The following JKAMP variants were observed in gnomAD, a reference collection of about 807,000 sequenced individuals.
The protein encoded by JKAMP is JNK1/MAPK8-associated membrane protein.
A neutral mutation model predicts 40.2 loss-of-function variants in JKAMP; 20 were observed. That is an observed-to-expected ratio of 0.50 (90% CI 0.35 to 0.72). The LOEUF (loss-of-function observed/expected upper bound fraction) is 0.72, where lower values mean the gene tolerates loss of function less well. Among genes scored for constraint, JKAMP ranks in the 30% least tolerant of loss-of-function variants. JKAMP has a pLI of 0.01. For synonymous variants in JKAMP, 138 were observed against 131.6 expected, an observed-to-expected ratio of 1.05 and a Z score of -0.33; for missense variants, 276 against 373.0, an observed-to-expected ratio of 0.74 and a Z score of 2.14.
Position 59,490,123 on chromosome 14 carries a change from T to C in JKAMP, c.251+2295T>C, listed in dbSNP as rs139011084. Reference sequence around the variant, plus strand: ...ATTTTGTAGAGACAGGGTCTCTCTATGTTGCCCAGGCTGGTCTCGATCTCC... The same window carrying C: ...ATTTTGTAGAGACAGGGTCTCTCTACGTTGCCCAGGCTGGTCTCGATCTCC... On this transcript the variant is annotated intron_variant, in intron 3 of 6. Transcript: ENST00000616435. Among the ~76,000 whole-genome samples the C allele has an allele frequency of 2.2e-3, 331 of 152,178 alleles. 1 individual carries two copies. The highest frequency in any genetic ancestry group is 4.6e-3 in the Admixed American group (70 of 15,288).
intron 1 of JKAMP, 61 bp from the exon 2 acceptor site, chr14:59,486,652 A>G (rs1249658346): frequency 8.7e-7 from 1 of 1,149,440 alleles, no homozygotes; most frequent in African/African-American, 1.6e-5. Flanking sequence ...TTCAGCTATT[A>G]TTGCAATTAT....
intron 1 of JKAMP, chr14:59,485,847 A>G (rs563872026): frequency 6.6e-6 from 1 of 152,236 alleles, no homozygotes; most frequent in Admixed American, 6.5e-5. Flanking sequence ...GGAACTCCTG[A>G]CCTCATGATC....
At chr14:59,491,074 G>T (rs1271723292) in intron 3 of JKAMP, among the ~76,000 whole-genome samples, 1 of 152,218 alleles carries the variant, frequency 6.6e-6, no homozygotes, top group African/African-American at 2.4e-5. Flanking sequence ...ATCTCTTACA[G>T]TTTCCTGAAA....
chr14:59,485,164 C>G, intron 1 of JKAMP: 1 of 1,585,518 alleles, frequency 6.3e-7, no homozygotes, highest in South Asian at 1.1e-5. Flanking sequence ...TACTGGTTTT[C>G]AGGCCTTGGA....
intron 5 of JKAMP, among the ~76,000 whole-genome samples, chr14:59,500,660 AAC>A (rs1398010075): frequency 6.6e-6 from 1 of 152,200 alleles, no homozygotes; most frequent in Non-Finnish European, 1.5e-5. Flanking sequence ...TTGACCACAA[AAC>A]ACAGAAAATT....
intron 5 of JKAMP, among the ~76,000 whole-genome samples, chr14:59,500,515 T>C (rs1336622995): frequency 6.6e-6 from 1 of 152,224 alleles, no homozygotes; most frequent in African/African-American, 2.4e-5. Flanking sequence ...AAGTAGAGAT[T>C]GCAGGAATTT....
chr14:59,503,743 T>C, intron 6 of JKAMP, 111 bp from the exon 7 acceptor site: 2 of 567,968 alleles, frequency 3.5e-6, no homozygotes, highest in Non-Finnish European at 5.6e-6. Context: ...AAACATTTTA[T>C]GATTCTGAGA....
intron 5 of JKAMP, among the ~76,000 whole-genome samples, chr14:59,500,185 ACTGT>A (rs1426231542): frequency 1.3e-5 from 2 of 152,166 alleles, no homozygotes; most frequent in African/African-American, 4.8e-5. Flanking sequence ...GGACCTAATA[ACTGT>A]CTATGAAATA....
chr14:59,486,582 C>CA, intron 1 of JKAMP, 131 bp from the exon 2 acceptor site: 1 of 660,672 alleles, frequency 1.5e-6, no homozygotes. Flanking sequence ...AAAAATGCTT[C>CA]AAGACTTTTG....
chr14:59,498,682 T>C (rs752623739), intron 4 of JKAMP, 45 bp from the exon 5 acceptor site: 7 of 1,089,142 alleles, frequency 6.4e-6, no homozygotes, highest in Non-Finnish European at 9.2e-6. Context: ...TAAAAACATT[T>C]TTAAAACATT....
intron 4 of JKAMP, 147 bp downstream of exon 4, chr14:59,495,371 C>T: frequency 1.7e-6 from 1 of 597,546 alleles, no homozygotes. Context: ...ATGTAAACAG[C>T]CTCTTGTAAC....
chr14:59,484,996 A>T, intron 1 of JKAMP: 1 of 1,582,442 alleles, frequency 6.3e-7, no homozygotes, highest in Non-Finnish European at 8.5e-7. Flanking sequence ...GTAGATTTAT[A>T]GCGCCCGTCA....
rs190843052 is a variant in JKAMP at position 59,503,845 on chromosome 14, A to C, written c.718-9A>C. 19 of 1,582,654 alleles carry C rather than the reference A, an allele frequency of 1.2e-5. No individual in the cohort carries two copies. The African/African-American group carries it at 2.4e-4, about 20-fold the overall frequency. On this transcript the variant is annotated splice_polypyrimidine_tract_variant and intron_variant, in intron 6 of 6. Transcript: ENST00000616435. ...ATTTCTCTTTTCTTTCTTTTACAAA[A>C]TTATATAGAACTGCTATGATCTTCT...
chr14:59,485,391 C>A, intron 1 of JKAMP: 1 of 333,986 alleles, frequency 3.0e-6, no homozygotes, highest in Non-Finnish European at 5.4e-6. Flanking sequence ...AAGCTAAGTC[C>A]GAAATTTGTT....
At chr14:59,493,056 C>T (rs372424258) in intron 3 of JKAMP, among the ~76,000 whole-genome samples, 4 of 152,022 alleles carry the variant, frequency 2.6e-5, no homozygotes, top group South Asian at 2.1e-4. Flanking sequence ...CCCCGGCCTC[C>T]CAAAGTGCTG....
intron 6 of JKAMP, 90 bp from the exon 7 acceptor site, chr14:59,503,764 T>A (rs1892128884): frequency 1.3e-6 from 1 of 747,608 alleles, no homozygotes; most frequent in Non-Finnish European, 2.1e-6. Context: ...TTATAAATAA[T>A]ACATTTTATA....
intron 3 of JKAMP, among the ~76,000 whole-genome samples, chr14:59,493,225 T>A (rs1215854429): frequency 6.6e-6 from 1 of 152,146 alleles, no homozygotes; most frequent in Non-Finnish European, 1.5e-5. Flanking sequence ...CCTGCATGCA[T>A]CATAATTAAA....
intron 4 of JKAMP, among the ~76,000 whole-genome samples, chr14:59,496,423 T>A (rs1891458273): frequency 6.6e-6 from 1 of 151,906 alleles, no homozygotes; most frequent in Admixed American, 6.6e-5. Flanking sequence ...ACTTAATAAA[T>A]GAATTGAATA....
At chr14:59,500,901 A>C (rs1280341983) in intron 5 of JKAMP, 2 of 249,134 alleles carry the variant, frequency 8.0e-6, no homozygotes. Flanking sequence ...TAAAGTTTTT[A>C]TTGGAACACA....
Sources: allele counts gnomAD v4.1 joint callset (sites outside exome capture counted in the v4.1 genomes callset), GRCh38; gene constraint gnomAD v4.1.1; transcripts MANE v1.5; gene names NCBI Gene and HGNC (gene_info 2026-07-23, HGNC 2026-07-21).